The following EHBP1 variants were observed in gnomAD, a reference collection of about 807,000 sequenced individuals.
The protein encoded by EHBP1 is EH domain binding protein 1.
Under a neutral mutation model 144.0 loss-of-function variants are expected in EHBP1, and 55 were observed. That is an observed-to-expected ratio of 0.38 (90% CI 0.31 to 0.48). EHBP1 has a LOEUF of 0.48. Ranked by LOEUF, EHBP1 falls within the 20% of genes least tolerant of loss-of-function variation. The pLI is 0.98. For missense variants in EHBP1, 1,200 were observed against 1,364.2 expected (o/e 0.88, Z 1.90); for synonymous variants, 469 against 472.7 (o/e 0.99, Z 0.10).
At chr2:62,802,515 T>C (rs2152496088) in intron 5 of EHBP1, among the ~76,000 whole-genome samples, 1 of 152,314 alleles carries the variant, frequency 6.6e-6, no homozygotes, top group Non-Finnish European at 1.5e-5. Context: ...TTGAGAAAGT[T>C]ACACAGTTTT....
At chr2:62,830,223 CAT>C (rs1553434349) in intron 6 of EHBP1, among the ~76,000 whole-genome samples, 3 of 150,524 alleles carry the variant, frequency 2.0e-5, no homozygotes, top group African/African-American at 4.9e-5. Flanking sequence ...CACACACACA[CAT>C]ACACACAATA....
At chr2:62,837,453 A>G (rs2047371500) in intron 7 of EHBP1, among the ~76,000 whole-genome samples, 1 of 152,054 alleles carries the variant, frequency 6.6e-6, no homozygotes, top group African/African-American at 2.4e-5. Context: ...ATCACCAGCT[A>G]ACATCATAAT....
chr2:62,992,086 A>C (rs2153223515), intron 16 of EHBP1, among the ~76,000 whole-genome samples: 1 of 152,328 alleles, frequency 6.6e-6, no homozygotes, highest in Middle Eastern at 3.4e-3. Flanking sequence ...ACATTTGTAA[A>C]GTGGCAGAAG....
At chr2:62,774,330 T>C (rs1307105164) in intron 5 of EHBP1, among the ~76,000 whole-genome samples, 1 of 148,552 alleles carries the variant, frequency 6.7e-6, no homozygotes, top group East Asian at 2.0e-4. Context: ...AAGATCGTGC[T>C]ACTGCACTCC....
At chr2:62,736,576 A>G (rs1259912155) in intron 2 of EHBP1, among the ~76,000 whole-genome samples, 1 of 152,132 alleles carries the variant, frequency 6.6e-6, no homozygotes, top group Non-Finnish European at 1.5e-5. Context: ...CCAAGCTCAG[A>G]GATTTTTCTT....
At chr2:63,044,974 A>G in intron 21 of EHBP1, 92 bp from the exon 22 acceptor site, 1 of 934,538 alleles carries the variant, frequency 1.1e-6, no homozygotes. Flanking sequence ...GCTGAGAAAT[A>G]TAAGGAAACT....
In EHBP1 at chr2:62,996,548, G is replaced by GT. The variant is rs2059634144; in HGVS notation, c.2980-93dup. On this transcript the variant is annotated intron_variant, in intron 18 of 22. Transcript: ENST00000431489. ...AAGGGTGATACTAACGGTGTATTTG[G>GT]TTCTCTAGGTAAGTGCTTTACTAAG... 8 of 1,508,776 alleles carry GT rather than the reference G, an allele frequency of 5.3e-6. No homozygotes were observed. In the East Asian group the frequency reaches 1.8e-4, roughly 35 times the overall value. 93.5% of individuals were successfully genotyped at this position (1,508,776 alleles called of 1,614,324 possible).
rs1294627358 is a variant in EHBP1 at position 62,840,181 on chromosome 2, G to A, written c.634+9023G>A. ...ACAGAACAGAGCCCTCAGAAATAAC[G>A]CCGCATACCTACAACTATCTGATCT... On this transcript the variant is annotated intron_variant, in intron 7 of 22. Transcript: ENST00000431489. Among the ~76,000 whole-genome samples the A allele has an allele frequency of 1.0e-4, 15 of 149,772 alleles. No homozygotes were observed. In the South Asian group the frequency reaches 2.3e-3, roughly 23 times the overall value.
At chr2:62,719,495 C>T (rs949202972) in intron 2 of EHBP1, among the ~76,000 whole-genome samples, 1 of 152,164 alleles carries the variant, frequency 6.6e-6, no homozygotes, top group African/African-American at 2.4e-5. Flanking sequence ...CTGCAGAGAA[C>T]TCACAAGGGA....
intron 5 of EHBP1, among the ~76,000 whole-genome samples, chr2:62,817,311 A>G (rs2045519540): frequency 6.6e-6 from 1 of 152,164 alleles, no homozygotes; most frequent in Non-Finnish European, 1.5e-5. Context: ...GAGTTTTAGT[A>G]AAAGACTTGA....
intron 2 of EHBP1, among the ~76,000 whole-genome samples, chr2:62,744,099 C>G (rs2038946977): frequency 1.3e-5 from 2 of 152,224 alleles, no homozygotes; most frequent in Admixed American, 1.3e-4. Context: ...CAATGGAGCC[C>G]TTTAGACAGA....
At chr2:62,925,080 A>T (rs1437246704) in intron 10 of EHBP1, among the ~76,000 whole-genome samples, 1 of 152,260 alleles carries the variant, frequency 6.6e-6, no homozygotes, top group East Asian at 1.9e-4. Context: ...AATGTCATAC[A>T]TCACATCCAT....
In EHBP1 at chr2:62,798,807, A is replaced by T. The variant is rs536196830; in HGVS notation, c.313-27280A>T. On this transcript the variant is annotated intron_variant, in intron 5 of 22. Coordinates refer to ENST00000431489, the MANE Select transcript of EHBP1 (RefSeq NM_001142616.3). Reference sequence around the variant, plus strand: ...ATCGCGAGGTCAGGAGTTCAAGACCAGCCTGGCCAACATGGTGAAACCCTG... The same window carrying T: ...ATCGCGAGGTCAGGAGTTCAAGACCTGCCTGGCCAACATGGTGAAACCCTG... 9.2e-5 allele frequency among the ~76,000 whole-genome samples: 14 copies of T among 152,198 alleles called. No individual in the cohort carries two copies. The East Asian group carries it at 1.2e-3, about 13-fold the overall frequency.
chr2:62,826,459 C>A, intron 6 of EHBP1, 191 bp downstream of exon 6: 1 of 476,024 alleles, frequency 2.1e-6, no homozygotes, highest in Non-Finnish European at 3.6e-6. Context: ...AGAGAATGTA[C>A]AGTAATATAA....
chr2:62,960,168 T>TCTTA (rs2057926580), intron 14 of EHBP1, among the ~76,000 whole-genome samples: 4 of 152,194 alleles, frequency 2.6e-5, no homozygotes, highest in Non-Finnish European at 5.9e-5. Context: ...AAAATCCATC[T>TCTTA]GGTAACCCCA....
At chr2:62,946,325 A>T (rs1440518232) in intron 12 of EHBP1, among the ~76,000 whole-genome samples, 1 of 152,172 alleles carries the variant, frequency 6.6e-6, no homozygotes, top group Non-Finnish European at 1.5e-5. Flanking sequence ...GTCCCATTAA[A>T]ATTTTTTTTC....
At chr2:62,802,133 G>C (rs1415812699) in intron 5 of EHBP1, among the ~76,000 whole-genome samples, 1 of 152,220 alleles carries the variant, frequency 6.6e-6, no homozygotes, top group Non-Finnish European at 1.5e-5. Context: ...ATAGGATCAG[G>C]TGCAACGAAT....
intron 5 of EHBP1, among the ~76,000 whole-genome samples, chr2:62,818,080 T>C (rs553712244): frequency 8.6e-5 from 13 of 151,484 alleles, no homozygotes; most frequent in Non-Finnish European, 1.9e-4. Context: ...AAAATACAGG[T>C]GTACCATTAA....
intron 10 of EHBP1, among the ~76,000 whole-genome samples, chr2:62,908,503 G>A (rs1191033915): frequency 6.6e-6 from 1 of 151,888 alleles, no homozygotes; most frequent in Non-Finnish European, 1.5e-5. Flanking sequence ...TAAGGTGGAG[G>A]CTGAAATAAC....
Sources: allele counts gnomAD v4.1 joint callset (sites outside exome capture counted in the v4.1 genomes callset), GRCh38; gene constraint gnomAD v4.1.1; transcripts MANE v1.5; gene names NCBI Gene and HGNC (gene_info 2026-07-23, HGNC 2026-07-21).